The following PTPRC variants were observed in gnomAD, a reference collection of about 807,000 sequenced individuals.
The protein encoded by PTPRC is receptor-type tyrosine-protein phosphatase C.
PTPRC carries 44 observed loss-of-function variants against 155.9 expected under a neutral mutation model. That is an observed-to-expected ratio of 0.28 (90% CI 0.22 to 0.36). The LOEUF is 0.36. Among genes scored for constraint, PTPRC ranks in the 10% least tolerant of loss-of-function variants. The probability of loss-of-function intolerance (pLI) is 1.00; values close to 1 mark genes in which losing one functional copy is unlikely to be tolerated. For missense variants in PTPRC, 1,401 were observed against 1,564.6 expected (o/e 0.90, Z 1.76); for synonymous variants, 525 against 533.1 (o/e 0.98, Z 0.21).
Position 198,646,101 on chromosome 1 carries a change from T to C in PTPRC, c.73+6760T>C, listed in dbSNP as rs201732342. Among the ~76,000 whole-genome samples the C allele has an allele frequency of 2.4e-4, 37 of 151,980 alleles. No homozygotes were observed. The East Asian group carries it at 6.4e-3, about 26-fold the overall frequency. Reference sequence around the variant, plus strand: ...TTAGAATATACCAACATTTATGAGTTTTCCTTAAAGATAAATTTTGGAGGA... The same window carrying C: ...TTAGAATATACCAACATTTATGAGTCTTCCTTAAAGATAAATTTTGGAGGA... On this transcript the variant is annotated intron_variant, in intron 2 of 32. Coordinates refer to ENST00000442510, the MANE Select transcript of PTPRC (RefSeq NM_002838.5).
chr1:198,681,313 A>G (rs963632971), intron 2 of PTPRC, among the ~76,000 whole-genome samples: 4 of 152,236 alleles, frequency 2.6e-5, no homozygotes, highest in Non-Finnish European at 5.9e-5. Context: ...CTAGAGCTGC[A>G]GGGTATCAGG....
At chr1:198,743,952 C>T (rs1271793614) in intron 25 of PTPRC, 102 bp from the exon 26 acceptor site, 1 of 1,175,726 alleles carries the variant, frequency 8.5e-7, no homozygotes, top group Non-Finnish European at 1.2e-6. Flanking sequence ...ATGAATTGTT[C>T]CAATATGAGC....
Position 198,735,244 on chromosome 1 carries a change from A to T in PTPRC, c.2395A>T (p.Ile799Phe), listed in dbSNP as rs185420520. 1.8e-5 allele frequency: 28 copies of T among 1,599,444 alleles called. 1 individual carries two copies. The East Asian group carries it at 5.6e-4, about 32-fold the overall frequency. The change falls in exon 23 of 33, where the codon ATT (isoleucine) becomes TTT (phenylalanine). Residue 799 changes from isoleucine to phenylalanine, a missense_variant. Around this residue, in one of 3 missense-constraint regions of PTPRC, gnomAD observed 867 missense variants for 970.4 expected, o/e 0.89. Transcript: ENST00000442510. Reference sequence around the variant, plus strand: ...AGATTACATCATTCAGAAATTGAACATTGTAAATGTGAGTTTGCTTTTTAC... The same window carrying T: ...AGATTACATCATTCAGAAATTGAACTTTGTAAATGTGAGTTTGCTTTTTAC... ...CPDYIIQKLN[I>F]VNKKEKATGR...
At chr1:198,681,645 A>G (rs1254425832) in intron 2 of PTPRC, among the ~76,000 whole-genome samples, 1 of 150,526 alleles carries the variant, frequency 6.6e-6, no homozygotes, top group Non-Finnish European at 1.5e-5. Flanking sequence ...AAGTTGCATA[A>G]TGTAATGAAT....
At chr1:198,748,368 T>C (rs976418580) in intron 27 of PTPRC, among the ~76,000 whole-genome samples, 169 bp downstream of exon 27, 2 of 151,864 alleles carry the variant, frequency 1.3e-5, no homozygotes, top group Non-Finnish European at 2.9e-5. Flanking sequence ...TTGCAAGAAC[T>C]TATAATCCTG....
intron 2 of PTPRC, among the ~76,000 whole-genome samples, chr1:198,681,914 AGTT>A (rs1327157279): frequency 6.6e-6 from 1 of 152,200 alleles, no homozygotes; most frequent in Non-Finnish European, 1.5e-5. Flanking sequence ...CAACTAGAGA[AGTT>A]GTGGTTTTAA....
chr1:198,736,692 C>A (rs534521318), intron 23 of PTPRC, among the ~76,000 whole-genome samples: 3 of 151,508 alleles, frequency 2.0e-5, no homozygotes, highest in Admixed American at 6.6e-5. Flanking sequence ...CCTTTCTTTG[C>A]GGTATATACC....
rs772094735 is a variant in PTPRC, at chr1:198,731,618, T to A, written c.1866T>A (p.Asp622Glu). The change falls in exon 18 of 33, where the codon GAT (aspartate) becomes GAA (glutamate). Residue 622 changes from aspartate to glutamate, a missense_variant and splice_region_variant. Physicochemically the swap from Asp to Glu is conservative, Grantham distance 45. Transcript: ENST00000442510. ...ATTGAATCTTTAATATGTTTCCAGA[T>A]GATGAAAAACAACTGATGAATGTGG... ...LDEQQELVER[D>E]DEKQLMNVEP... is the part of the protein sequence containing the mutation. 1 of 1,599,566 alleles carries A rather than the reference T, an allele frequency of 6.3e-7. No individual in the cohort carries two copies.
intron 5 of PTPRC, among the ~76,000 whole-genome samples, chr1:198,700,951 G>T (rs1294898678): frequency 1.3e-5 from 2 of 152,148 alleles, no homozygotes; most frequent in Non-Finnish European, 2.9e-5. Context: ...CTGCTAGAGA[G>T]GGGAGAACAG....
chr1:198,678,581 C>T (rs1198156983), intron 2 of PTPRC, among the ~76,000 whole-genome samples: 1 of 152,078 alleles, frequency 6.6e-6, no homozygotes, highest in Non-Finnish European at 1.5e-5. Flanking sequence ...GGCACCAGAG[C>T]GAGATACTGA....
intron 2 of PTPRC, among the ~76,000 whole-genome samples, chr1:198,656,200 C>T (rs1029670752): frequency 6.6e-6 from 1 of 151,940 alleles, no homozygotes; most frequent in Non-Finnish European, 1.5e-5. Context: ...CATGTATTTA[C>T]GAATTGTACC....
rs758217317 is a variant in PTPRC, at chr1:198,752,691, T to A, written c.3428T>A (p.Val1143Asp). ...EPKELISMIQ[V>D]VKQKLPQKNS... ...AAGGAATTAATCTCTATGATTCAGGTCGTCAAACAAAAACTTCCCCAGAAG... is the reference window on the plus strand; with the variant it reads ...AAGGAATTAATCTCTATGATTCAGGACGTCAAACAAAAACTTCCCCAGAAG... The change falls in exon 31 of 33, where the codon GTC becomes GAC. Residue 1143 changes from valine (V) to aspartate (D), a missense_variant. Physicochemically the swap from Val to Asp is radical, Grantham distance 152. Coordinates refer to ENST00000442510, the MANE Select transcript of PTPRC (RefSeq NM_002838.5). 3 of 1,612,938 alleles carry A rather than the reference T, an allele frequency of 1.9e-6. No homozygotes were observed.
At chr1:198,681,461 G>A (rs925114181) in intron 2 of PTPRC, among the ~76,000 whole-genome samples, 1 of 152,150 alleles carries the variant, frequency 6.6e-6, no homozygotes, top group Non-Finnish European at 1.5e-5. Flanking sequence ...GCAATGTGAT[G>A]TTTCCTACTG....
intron 2 of PTPRC, among the ~76,000 whole-genome samples, chr1:198,687,373 G>A (rs971588326): frequency 1.3e-5 from 2 of 152,114 alleles, no homozygotes; most frequent in Middle Eastern, 3.4e-3. Flanking sequence ...GTTTAATAAT[G>A]TTTGCACATA....
chr1:198,689,563 T>C (rs1665814733), intron 2 of PTPRC, among the ~76,000 whole-genome samples: 1 of 152,176 alleles, frequency 6.6e-6, no homozygotes, highest in African/African-American at 2.4e-5. Flanking sequence ...ATTTCTCCTC[T>C]GTATTAACTG....
chr1:198,690,125 G>A (rs1328035014), intron 2 of PTPRC, among the ~76,000 whole-genome samples: 2 of 152,132 alleles, frequency 1.3e-5, no homozygotes, highest in Non-Finnish European at 2.9e-5. Context: ...ATAAAGAAGA[G>A]ATATGTGTTG....
At chr1:198,682,231 G>T (rs1438210326) in intron 2 of PTPRC, among the ~76,000 whole-genome samples, 1 of 152,166 alleles carries the variant, frequency 6.6e-6, no homozygotes, top group Non-Finnish European at 1.5e-5. Flanking sequence ...AAGTGTTTCT[G>T]TTCAGAGTTT....
At position 198,755,967 on chromosome 1, in the gene PTPRC, T is replaced by TAA; in HGVS notation, c.3709_3710dup (p.Lys1238ArgfsTer19). 2 of 1,613,088 alleles carry TAA rather than the reference T, an allele frequency of 1.2e-6. No homozygotes were observed. The highest frequency in any genetic ancestry group is 1.7e-6 in the Non-Finnish European group (2 of 1,179,426). ...ACCTACCCTGCTCAGAATGGACAAGTAAAGAAAAACAACCATCAAGAAGAT... is the reference window on the plus strand; with the variant it reads ...ACCTACCCTGCTCAGAATGGACAAGTAAAAAGAAAAACAACCATCAAGAAGAT... On this transcript the variant is annotated frameshift_variant, in exon 33 of 33. Transcript: ENST00000442510. LOFTEE classifies it low-confidence loss of function (END_TRUNC).
intron 25 of PTPRC, among the ~76,000 whole-genome samples, chr1:198,742,946 G>T (rs909989061): frequency 6.6e-6 from 1 of 151,102 alleles, no homozygotes; most frequent in Non-Finnish European, 1.5e-5. Context: ...TGTAAGTGAT[G>T]GTAATTACTG....
Sources: gnomAD v4.1 joint callset for allele counts (sites outside exome capture counted in the v4.1 genomes callset) on GRCh38, gnomAD v4.1.1 for gene constraint, gnomAD v4.1.1 regional missense constraint, MANE v1.5 for transcripts, NCBI Gene and HGNC (gene_info 2026-07-23, HGNC 2026-07-21) for gene names.